DRC2: variants seen among roughly 807,000 people sequenced by gnomAD.
The protein encoded by DRC2 is dynein regulatory complex subunit 2, also known as coiled-coil domain containing 65.
At chr12:48,911,860 T>C in the DRC2 span, among the ~76,000 whole-genome samples, 1 of 152,112 alleles carries the variant, frequency 6.6e-6, no homozygotes, top group African/African-American at 2.4e-5. Flanking sequence ...TACTCAGAGC[T>C]ATATAGGAAA....
the DRC2 span, among the ~76,000 whole-genome samples, chr12:48,919,951 T>C: frequency 6.6e-6 from 1 of 150,812 alleles, no homozygotes; most frequent in East Asian, 2.0e-4. Flanking sequence ...GGAGAGCCCA[T>C]CTCTACCAAA....
the DRC2 span, among the ~76,000 whole-genome samples, chr12:48,915,806 G>C: frequency 6.6e-6 from 1 of 151,836 alleles, no homozygotes; most frequent in Non-Finnish European, 1.5e-5. Flanking sequence ...TCCCGGACGG[G>C]GTGGCTGCCG....
the DRC2 span, chr12:48,921,142 C>A: frequency 3.1e-6 from 5 of 1,612,374 alleles, no homozygotes; most frequent in Non-Finnish European, 4.2e-6. Flanking sequence ...TCGCTGCACA[C>A]CTTCTCCCTG....
the DRC2 span, among the ~76,000 whole-genome samples, chr12:48,917,455 C>T: frequency 4.6e-5 from 7 of 151,728 alleles, no homozygotes; most frequent in Middle Eastern, 3.2e-3. Context: ...CAGAGCGAGA[C>T]CCTGTCTCAA....
the DRC2 span, among the ~76,000 whole-genome samples, chr12:48,917,956 C>G: frequency 2.0e-5 from 3 of 152,184 alleles, no homozygotes; most frequent in Non-Finnish European, 4.4e-5. Flanking sequence ...ACAAAAACAT[C>G]CAAATTTTCA....
the DRC2 span, among the ~76,000 whole-genome samples, chr12:48,920,441 T>TTTTA: frequency 2.7e-4 from 18 of 67,812 alleles, 1 homozygote; most frequent in Non-Finnish European, 3.1e-4. Flanking sequence ...AACTCCATCT[T>TTTTA]AAAAAAAAAA....
chr12:48,904,469 G>C, the DRC2 span: 1 of 1,613,662 alleles, frequency 6.2e-7, no homozygotes, highest in Admixed American at 1.7e-5. Flanking sequence ...GTTCTTGAAG[G>C]TGATGGCCTT....
chr12:48,908,983 T>C, the DRC2 span, among the ~76,000 whole-genome samples: 1 of 151,146 alleles, frequency 6.6e-6, no homozygotes, highest in Non-Finnish European at 1.5e-5. Context: ...CCAGACTCCA[T>C]AGTAAAAACA....
chr12:48,912,035 G>A, the DRC2 span, among the ~76,000 whole-genome samples: 13 of 151,942 alleles, frequency 8.6e-5, no homozygotes, highest in African/African-American at 2.9e-4. Flanking sequence ...CGAGGATGGC[G>A]GATCACGAGG....
the DRC2 span, chr12:48,918,606 C>A: frequency 6.6e-7 from 1 of 1,505,648 alleles, no homozygotes; most frequent in Non-Finnish European, 9.1e-7. Flanking sequence ...TTTCAGTCCC[C>A]AGGCAGCCCT....
chr12:48,906,973 T>C, the DRC2 span, among the ~76,000 whole-genome samples: 1 of 151,540 alleles, frequency 6.6e-6, no homozygotes. Context: ...CCCAGCACTT[T>C]GGGAGGCTGA....
At chr12:48,917,210 GT>G in the DRC2 span, 4 of 1,359,886 alleles carry the variant, frequency 2.9e-6, no homozygotes, top group Non-Finnish European at 4.1e-6. Context: ...CAGCACCTTG[GT>G]AGGCCAAGGC....
the DRC2 span, among the ~76,000 whole-genome samples, chr12:48,919,737 C>T: frequency 5.3e-5 from 8 of 151,886 alleles, no homozygotes; most frequent in Admixed American, 2.0e-4. Context: ...AGGACGTTCT[C>T]GAACTCCTGA....
chr12:48,917,827 G>A, the DRC2 span, among the ~76,000 whole-genome samples: 1 of 152,182 alleles, frequency 6.6e-6, no homozygotes, highest in South Asian at 2.1e-4. Flanking sequence ...CCTCGAGGTT[G>A]CAATCTTAGC....
chr12:48,920,524 ATTTT>A, the DRC2 span, among the ~76,000 whole-genome samples: 249 of 116,486 alleles, frequency 2.1e-3, no homozygotes, highest in African/African-American at 7.2e-3. Context: ...ATAATGAATG[ATTTT>A]TTTTTTTTTT....
the DRC2 span, chr12:48,918,984 C>A: frequency 1.8e-6 from 2 of 1,121,194 alleles, no homozygotes; most frequent in Non-Finnish European, 2.6e-6. Flanking sequence ...GAAAGGATAG[C>A]GGGGGCTTCT....
chr12:48,907,521 T>A, the DRC2 span, among the ~76,000 whole-genome samples: 5 of 152,190 alleles, frequency 3.3e-5, no homozygotes, highest in South Asian at 6.2e-4. Context: ...ACCTTCAGGG[T>A]CATTCCTGAA....
chr12:48,920,788 A>G, the DRC2 span: 2 of 654,008 alleles, frequency 3.1e-6, no homozygotes, highest in Non-Finnish European at 5.1e-6. Context: ...TTACATGGTA[A>G]CCTCCATTTG....
chr12:48,921,549 T>A, the DRC2 span: 2 of 1,484,212 alleles, frequency 1.3e-6, no homozygotes, highest in Non-Finnish European at 1.8e-6. Flanking sequence ...TGTAGGGATG[T>A]TGCTATTAAA....
Sources: gnomAD v4.1 joint callset for allele counts (sites outside exome capture counted in the v4.1 genomes callset) on GRCh38, gnomAD v4.1.1 for gene constraint, MANE v1.5 for transcripts, NCBI Gene and HGNC (gene_info 2026-07-23, HGNC 2026-07-21) for gene names.